UBE2QL1: variants seen among roughly 807,000 people sequenced by gnomAD.
UBE2QL1 encodes the protein ubiquitin conjugating enzyme E2 QL1, also known as ubiquitin-conjugating enzyme E2Q-like protein 1.
Under a neutral mutation model 12.6 loss-of-function variants are expected in UBE2QL1, and 5 were observed. That is an observed-to-expected ratio of 0.40 (90% CI 0.21 to 0.83). The LOEUF (loss-of-function observed/expected upper bound fraction) is 0.83, where lower values mean the gene tolerates loss of function less well. UBE2QL1 is among the 40% of genes least tolerant of loss of function. The pLI, the probability that UBE2QL1 is intolerant of heterozygous loss-of-function variation, is 0.37. For synonymous variants in UBE2QL1, 96 were observed against 94.5 expected (o/e 1.02, Z -0.10); for missense variants, 99 against 222.6 (o/e 0.44, Z 3.53).
intron 1 of UBE2QL1, among the ~76,000 whole-genome samples, chr5:6,465,834 G>A (rs998490200): frequency 5.3e-5 from 8 of 152,210 alleles, no homozygotes; most frequent in African/African-American, 9.7e-5. Flanking sequence ...ACCTGCCTCC[G>A]TGAGGACGGA....
At chr5:6,466,464 G>A (rs1201291115) in intron 1 of UBE2QL1, among the ~76,000 whole-genome samples, 1 of 152,236 alleles carries the variant, frequency 6.6e-6, no homozygotes, top group African/African-American at 2.4e-5. Context: ...CCAATCTGGG[G>A]CTGGACGCTC....
In UBE2QL1 at chr5:6,491,518, G is replaced by C. The variant is rs755236956; in HGVS notation, c.*169G>C. 24 of 864,214 alleles carry C rather than the reference G, an allele frequency of 2.8e-5. No individual in the cohort carries two copies. The highest frequency in any genetic ancestry group is 3.7e-5 in the Non-Finnish European group (23 of 614,692). The allele number at this position is 864,214 out of a possible 1,614,324, so 53.5% of individuals were successfully genotyped here. A position where few individuals can be genotyped will look rare whatever the true frequency, so the allele number is the denominator to read the frequency against. On this transcript the variant is annotated 3_prime_UTR_variant, in exon 2 of 2. Coordinates refer to ENST00000399816, the MANE Select transcript of UBE2QL1 (RefSeq NM_001145161.3). Reference sequence around the variant, plus strand: ...TATGAAAAGATGTGTGTACAGAGAGGAAGAGGGAGCAAATGCCGTTCGGAT... The same window carrying C: ...TATGAAAAGATGTGTGTACAGAGAGCAAGAGGGAGCAAATGCCGTTCGGAT...
At chr5:6,460,836 A>G (rs577518537) in intron 1 of UBE2QL1, among the ~76,000 whole-genome samples, 1 of 152,332 alleles carries the variant, frequency 6.6e-6, no homozygotes, top group Admixed American at 6.5e-5. Flanking sequence ...TAGCCATTAA[A>G]TGTTGTTGAT....
intron 1 of UBE2QL1, among the ~76,000 whole-genome samples, chr5:6,450,404 C>T (rs560597860): frequency 3.8e-4 from 58 of 152,214 alleles, no homozygotes; most frequent in Middle Eastern, 6.8e-3. Context: ...GTTATCTGCT[C>T]GAATTATATG....
intron 1 of UBE2QL1, among the ~76,000 whole-genome samples, chr5:6,459,920 A>G (rs1355726373): frequency 6.6e-6 from 1 of 152,152 alleles, no homozygotes; most frequent in African/African-American, 2.4e-5. Context: ...CCATCCAAAT[A>G]TATATACCCG....
rs534584998 is a variant in UBE2QL1 at position 6,484,527 on chromosome 5, G to A, written c.355-6691G>A. ...TTAATGGAAGCCCAGTTTCCTACTC[G>A]TTGCAAAGGTTGCCCAGGTCAACAT... On this transcript the variant is annotated intron_variant, in intron 1 of 1. Transcript: ENST00000399816. Among the ~76,000 whole-genome samples the A allele has an allele frequency of 3.6e-3, 545 of 152,236 alleles. 3 individuals are homozygous for A. Among genetic ancestry groups the A allele is most frequent in the Non-Finnish European group, 5.7e-3 (386 of 68,010 alleles).
chr5:6,483,461 A>G (rs1253352338), intron 1 of UBE2QL1, among the ~76,000 whole-genome samples: 1 of 146,174 alleles, frequency 6.8e-6, no homozygotes, highest in Non-Finnish European at 1.5e-5. Flanking sequence ...AAAAAAAATG[A>G]GGAGCCCACA....
chr5:6,457,620 G>C (rs1362280234), intron 1 of UBE2QL1, among the ~76,000 whole-genome samples: 3 of 152,142 alleles, frequency 2.0e-5, no homozygotes, highest in African/African-American at 7.2e-5. Context: ...TGAATGATTT[G>C]ATTAAATCCT....
At position 6,496,657 on chromosome 5, in the gene UBE2QL1, A is replaced by C. The variant is rs1204802038; in HGVS notation, c.*5308A>C. Among the ~76,000 whole-genome samples the C allele has an allele frequency of 6.7e-6, 1 of 150,088 alleles. No individual in the cohort carries two copies. The highest frequency in any genetic ancestry group is 1.5e-5 in the Non-Finnish European group (1 of 67,994). ...CAAATAATCTAGAGGCACTGCCCTA[A>C]TGAGAAAAAAAAAACAATGATTCTA... On this transcript the variant is annotated 3_prime_UTR_variant, in exon 2 of 2. Transcript: ENST00000399816.
At chr5:6,461,453 C>T (rs1579289647) in intron 1 of UBE2QL1, among the ~76,000 whole-genome samples, 1 of 151,418 alleles carries the variant, frequency 6.6e-6, no homozygotes, top group East Asian at 1.9e-4. Context: ...CAGTGATTTT[C>T]CCATAGTTTA....
chr5:6,475,805 T>G (rs1265864458), intron 1 of UBE2QL1, among the ~76,000 whole-genome samples: 2 of 151,970 alleles, frequency 1.3e-5, no homozygotes, highest in African/African-American at 4.8e-5. Context: ...GAACTGGCCC[T>G]CCAGCCTGCA....
At position 6,449,267 on chromosome 5, in the gene UBE2QL1, G is replaced by A. The variant is rs1177004968; in HGVS notation, c.354+20G>A. 1.5e-6 allele frequency: 2 copies of A among 1,359,032 alleles called. No homozygotes were observed. Among genetic ancestry groups the A allele is most frequent in the South Asian group, 3.5e-5 (2 of 56,464 alleles). The allele number at this position is 1,359,032 out of a possible 1,614,324, so 84.2% of individuals were successfully genotyped here. A position where few individuals can be genotyped will look rare whatever the true frequency, so the allele number is the denominator to read the frequency against. On this transcript the variant is annotated intron_variant, in intron 1 of 1. Coordinates refer to ENST00000399816, the MANE Select transcript of UBE2QL1 (RefSeq NM_001145161.3). ...GGCCAGGTAAGGCGAGCGCGCCGGG[G>A]CTGGGGGCGCGGGGCCGAGATCGGG...
At chr5:6,467,801 T>TC (rs1349742594) in intron 1 of UBE2QL1, among the ~76,000 whole-genome samples, 6 of 148,886 alleles carry the variant, frequency 4.0e-5, no homozygotes, top group African/African-American at 1.5e-4. Flanking sequence ...TTCCTTCCCA[T>TC]CCCCCTTTGT....
At position 6,496,174 on chromosome 5, in the gene UBE2QL1, A is replaced by G. The variant is rs978227553; in HGVS notation, c.*4825A>G. Among the ~76,000 whole-genome samples, 1 of 152,214 alleles carries G rather than the reference A, an allele frequency of 6.6e-6. No individual in the cohort carries two copies. The highest frequency in any genetic ancestry group is 2.4e-5 in the African/African-American group (1 of 41,456). ...ATAAAGAGATCCCTGCACTGCCCCC[A>G]ACCGCCAATTCACCCTGTGTCTCTC... On this transcript the variant is annotated 3_prime_UTR_variant, in exon 2 of 2. Coordinates refer to ENST00000399816, the MANE Select transcript of UBE2QL1 (RefSeq NM_001145161.3).
intron 1 of UBE2QL1, among the ~76,000 whole-genome samples, chr5:6,467,173 C>T (rs1249744088): frequency 6.6e-6 from 1 of 152,074 alleles, no homozygotes; most frequent in Non-Finnish European, 1.5e-5. Context: ...CTGCCTCCCT[C>T]CCTCCCTGCT....
intron 1 of UBE2QL1, among the ~76,000 whole-genome samples, chr5:6,457,745 A>G (rs1423028310): frequency 1.3e-5 from 2 of 152,258 alleles, no homozygotes; most frequent in Non-Finnish European, 2.9e-5. Context: ...CAACCAGTCC[A>G]GTGCCAGAGC....
rs371905120 is a variant in UBE2QL1 at position 6,465,599 on chromosome 5, G to T, written c.354+16352G>T. Among the ~76,000 whole-genome samples, 16 of 152,274 alleles carry T rather than the reference G, an allele frequency of 1.1e-4. No individual in the cohort carries two copies. In the East Asian group the frequency reaches 1.4e-3, roughly 13 times the overall value. Reference sequence around the variant, plus strand: ...GGGGGTGGAGGGCGCTTTGCACCTCGTTTCAACAGGGACTCTTGGGGGGGC... The same window carrying T: ...GGGGGTGGAGGGCGCTTTGCACCTCTTTTCAACAGGGACTCTTGGGGGGGC... On this transcript the variant is annotated intron_variant, in intron 1 of 1. Transcript: ENST00000399816.
At chr5:6,457,336 A>G (rs1041607366) in intron 1 of UBE2QL1, among the ~76,000 whole-genome samples, 1 of 151,958 alleles carries the variant, frequency 6.6e-6, no homozygotes, top group African/African-American at 2.4e-5. Flanking sequence ...CACTCCTTCA[A>G]TAAAAGCGAT....
chr5:6,466,970 C>A (rs185653818), intron 1 of UBE2QL1, among the ~76,000 whole-genome samples: 185 of 152,316 alleles, frequency 1.2e-3, no homozygotes, highest in African/African-American at 4.3e-3. Flanking sequence ...GCTCACTGTT[C>A]TGGGCCTGGG....
Sources: allele counts gnomAD v4.1 joint callset (sites outside exome capture counted in the v4.1 genomes callset), GRCh38; gene constraint gnomAD v4.1.1; transcripts MANE v1.5; gene names NCBI Gene and HGNC (gene_info 2026-07-23, HGNC 2026-07-21).